The following P2RY8 variants were observed in gnomAD, a reference collection of about 807,000 sequenced individuals.
P2RY8 encodes the protein P2Y receptor family member 8.
In P2RY8, 6 loss-of-function variants were observed where a neutral mutation model predicts 10.0. The ratio of observed to expected loss-of-function variants is 0.60; its 90% CI spans 0.33 to 1.19. The LOEUF (loss-of-function observed/expected upper bound fraction) is 1.19, where lower values mean the gene tolerates loss of function less well. P2RY8 is among the 50% of genes most tolerant of loss of function. The pLI, the probability that P2RY8 is intolerant of heterozygous loss-of-function variation, is 0.04. For missense variants in P2RY8, 456 were observed against 542.0 expected, an observed-to-expected ratio of 0.84 and a Z score of 1.58; for synonymous variants, 276 against 252.5, an observed-to-expected ratio of 1.09 and a Z score of -0.88.
chrX:1,470,660 A>G (rs1227224454), intron 1 of P2RY8, among the ~76,000 whole-genome samples: 2 of 152,062 alleles, frequency 1.3e-5, no homozygotes, highest in Non-Finnish European at 2.9e-5. Context: ...AAATTCTACA[A>G]TATGTGGTCT....
intron 1 of P2RY8, among the ~76,000 whole-genome samples, chrX:1,481,183 T>TC (rs2091931134): frequency 1.3e-5 from 2 of 151,310 alleles, no homozygotes; most frequent in Admixed American, 1.3e-4. Context: ...TTTTTTTTTT[T>TC]CTTGAGGCTG....
chrX:1,474,374 A>G (rs1291524922), intron 1 of P2RY8, among the ~76,000 whole-genome samples: 176 of 37,000 alleles, frequency 4.8e-3, no homozygotes, highest in Middle Eastern at 0.026. Context: ...TGGATGGATA[A>G]GTGGGTGGGT....
At position 1,465,990 on chromosome X, in the gene P2RY8, C is replaced by A. The variant is rs2091667739; in HGVS notation, c.569G>T (p.Trp190Leu). The A allele has an allele frequency of 6.2e-7, 1 of 1,612,160 alleles. No homozygotes were observed. Among genetic ancestry groups the A allele is most frequent in the African/African-American group, 1.3e-5 (1 of 74,890 alleles). ...GAAGATGGTGAAGAGGAACACGGCC[C>A]ACATGGCCACGCTGGGGAGCATCGT... The part of the protein sequence containing the change: ...KWTMLPSVAM[W>L]AVFLFTIFIL... The change falls in exon 2 of 2, where the codon TGG becomes TTG. Residue 190 changes from tryptophan (W) to leucine (L), a missense_variant. Physicochemically the swap from Trp to Leu is moderately conservative, Grantham distance 61. Transcript: ENST00000381297.
intron 1 of P2RY8, among the ~76,000 whole-genome samples, chrX:1,493,419 A>AGGGAGGGAG (rs1569537374): frequency 1.0e-4 from 1 of 9,896 alleles, no homozygotes; most frequent in Non-Finnish European, 3.5e-4. Context: ...AGGAGGAAGG[A>AGGGAGGGAG]GGAAGGAGGA....
Position 1,465,552 on chromosome X carries a change from TCGGAGCGCA to T in P2RY8, c.998_1006del (p.Val333_Ser335del), listed in dbSNP as rs751072469. On this transcript the variant is annotated inframe_deletion, in exon 2 of 2. Transcript: ENST00000381297. ...CATCCCTTCAGGGTGCGCACCGGCCTCGGAGCGCACGGACGTGGTCCTGGCGGAGAAGAG... is the reference window on the plus strand; with the variant it reads ...CATCCCTTCAGGGTGCGCACCGGCCTCGGACGTGGTCCTGGCGGAGAAGAG... 10 of 1,612,340 alleles carry T rather than the reference TCGGAGCGCA, an allele frequency of 6.2e-6. No homozygotes were observed. The Admixed American group carries it at 1.7e-4, about 27-fold the overall frequency.
intron 1 of P2RY8, among the ~76,000 whole-genome samples, chrX:1,502,031 CT>C (rs2092185897): frequency 6.6e-6 from 1 of 152,174 alleles, no homozygotes; most frequent in Admixed American, 6.5e-5. Flanking sequence ...CTGCCTCGGC[CT>C]CTTGAATATC....
intron 1 of P2RY8, among the ~76,000 whole-genome samples, chrX:1,503,931 G>A (rs1438197401): frequency 5.3e-5 from 8 of 151,920 alleles, no homozygotes; most frequent in Admixed American, 6.5e-5. Flanking sequence ...CTGCTTTGTC[G>A]CTGTTCTGGA....
chrX:1,512,677 G>C (rs2092307856), intron 1 of P2RY8, among the ~76,000 whole-genome samples: 1 of 151,926 alleles, frequency 6.6e-6, no homozygotes, highest in Non-Finnish European at 1.5e-5. Context: ...GAGGAGCAAA[G>C]TCATGTCTTA....
intron 1 of P2RY8, among the ~76,000 whole-genome samples, chrX:1,505,896 A>G (rs1261044646): frequency 1.3e-5 from 2 of 151,900 alleles, no homozygotes; most frequent in African/African-American, 4.8e-5. Flanking sequence ...TTCCTTGAGT[A>G]TTGCATTTTT....
At chrX:1,508,764 T>A (rs1165077757) in intron 1 of P2RY8, among the ~76,000 whole-genome samples, 2 of 147,664 alleles carry the variant, frequency 1.4e-5, no homozygotes, top group Non-Finnish European at 3.0e-5. Flanking sequence ...TTCTATTATC[T>A]ATCTATCATC....
intron 1 of P2RY8, among the ~76,000 whole-genome samples, chrX:1,471,554 G>A (rs181554659): frequency 0.26 from 38,358 of 148,372 alleles, 5,647 homozygotes; most frequent in East Asian, 0.59. Context: ...TGATCTGCCC[G>A]CCTCGGCCTC....
At chrX:1,512,439 C>T (rs1161064705) in intron 1 of P2RY8, among the ~76,000 whole-genome samples, 60 of 148,192 alleles carry the variant, frequency 4.0e-4, no homozygotes, top group Non-Finnish European at 7.4e-4. Context: ...CCCAGCTACT[C>T]GGGAGGCTGA....
rs183556307 is a variant in P2RY8, at chrX:1,523,022, T to C, written c.-25+13899A>G. ...AGGCAGAGGTTGCAGAAAGCCGAGA[T>C]TGCACTACTGCACTCCAGCCTGGGC... On this transcript the variant is annotated intron_variant, in intron 1 of 1. Coordinates refer to ENST00000381297, the MANE Select transcript of P2RY8 (RefSeq NM_178129.5). 1.3e-4 allele frequency among the ~76,000 whole-genome samples: 19 copies of C among 149,508 alleles called. No homozygotes were observed. In the East Asian group the frequency reaches 3.7e-3, roughly 29 times the overall value.
chrX:1,501,559 C>T (rs1241576837), intron 1 of P2RY8, among the ~76,000 whole-genome samples: 3 of 151,874 alleles, frequency 2.0e-5, no homozygotes, highest in Non-Finnish European at 4.4e-5. Context: ...AGGGGTCTCA[C>T]TATATTGCCC....
intron 1 of P2RY8, among the ~76,000 whole-genome samples, chrX:1,478,567 C>T (rs1312420996): frequency 6.6e-6 from 1 of 151,980 alleles, no homozygotes; most frequent in Non-Finnish European, 1.5e-5. Flanking sequence ...CAACCTCCGC[C>T]TCCCGGGTTC....
chrX:1,483,372 T>C (rs2091956936), intron 1 of P2RY8, among the ~76,000 whole-genome samples: 1 of 151,856 alleles, frequency 6.6e-6, no homozygotes. Flanking sequence ...TGGTGGCTCA[T>C]GCCTGTAATC....
At chrX:1,509,668 T>TCATC (rs749271833) in intron 1 of P2RY8, among the ~76,000 whole-genome samples, 21,395 of 122,334 alleles carry the variant, frequency 0.17, 2,252 homozygotes, top group East Asian at 0.34. Context: ...CTGTATGTGT[T>TCATC]CATCCATCCA....
rs1569537398 is a variant in P2RY8 at position 1,493,444 on chromosome X, A to AG, written c.-24-26863dup. On this transcript the variant is annotated intron_variant, in intron 1 of 1. Transcript: ENST00000381297. Reference sequence around the variant, plus strand: ...AGGAAGGAGGAGGGAGGGAAGGAGGAGGAAGGAGGAAGGAGGGAGGAGGGA... The same window carrying AG: ...AGGAAGGAGGAGGGAGGGAAGGAGGAGGGAAGGAGGAAGGAGGGAGGAGGGA... Among the ~76,000 whole-genome samples, 267 of 83,098 alleles carry AG rather than the reference A, an allele frequency of 3.2e-3. 3 individuals are homozygous for AG. The highest frequency in any genetic ancestry group is 9.4e-3 in the African/African-American group (226 of 24,090). The allele number at this position is 83,098 out of a possible 152,430, so 54.5% of individuals were successfully genotyped here.
In P2RY8 at chrX:1,524,263, C is replaced by T. The variant is rs1171421744; in HGVS notation, c.-25+12658G>A. On this transcript the variant is annotated intron_variant, in intron 1 of 1. Transcript: ENST00000381297. The stretch of plus-strand genomic sequence containing the variant: ...CTTGTCACACTTGCCAGCTGCTTAC[C>T]CCCCTCTCTTCTGCGGATCCACTCA... Among the ~76,000 whole-genome samples the T allele has an allele frequency of 1.3e-5, 2 of 151,954 alleles. 1 individual carries two copies. Among genetic ancestry groups the T allele is most frequent in the Admixed American group, 1.3e-4 (2 of 15,240 alleles).
Sources: allele counts gnomAD v4.1 joint callset (sites outside exome capture counted in the v4.1 genomes callset), GRCh38; gene constraint gnomAD v4.1.1; transcripts MANE v1.5; gene names NCBI Gene and HGNC (gene_info 2026-07-23, HGNC 2026-07-21).